Variants in ME3 observed in about 807,000 individuals in gnomAD.
ME3 encodes NADP-dependent malic enzyme, mitochondrial.
Under a neutral mutation model 68.9 loss-of-function variants are expected in ME3, and 48 were observed. The observed-to-expected ratio is 0.70, with a 90% CI of 0.55 to 0.89. The LOEUF is 0.89. ME3 is among the 40% of genes least tolerant of loss of function. The pLI, the probability that ME3 is intolerant of heterozygous loss-of-function variation, is 0.00. For synonymous variants in ME3, 320 were observed against 318.8 expected (o/e 1.00, Z -0.04); for missense variants, 675 against 797.4 (o/e 0.85, Z 1.85).
intron 5 of ME3, among the ~76,000 whole-genome samples, chr11:86,506,315 C>G (rs1301591561): frequency 6.6e-6 from 1 of 152,154 alleles, no homozygotes; most frequent in Non-Finnish European, 1.5e-5. Context: ...TTAGAAGGTT[C>G]TCAAAATATG....
chr11:86,650,307 T>G (rs1180409724), intron 2 of ME3, among the ~76,000 whole-genome samples: 1 of 152,026 alleles, frequency 6.6e-6, no homozygotes, highest in Non-Finnish European at 1.5e-5. Context: ...AAAAATTAAC[T>G]CAAAATGGAT....
At chr11:86,539,626 T>C (rs541863925) in intron 4 of ME3, among the ~76,000 whole-genome samples, 1 of 152,318 alleles carries the variant, frequency 6.6e-6, no homozygotes, top group South Asian at 2.1e-4. Context: ...GACACCATGC[T>C]TAGCACCATG....
At chr11:86,561,094 T>C (rs965487275) in intron 2 of ME3, among the ~76,000 whole-genome samples, 3 of 152,104 alleles carry the variant, frequency 2.0e-5, no homozygotes, top group Non-Finnish European at 4.4e-5. Context: ...AAGTCATGCT[T>C]GTCAGGTTTC....
intron 4 of ME3, among the ~76,000 whole-genome samples, chr11:86,521,425 A>ATAATAATAAT (rs1555221553): frequency 4.2e-5 from 5 of 118,248 alleles, no homozygotes; most frequent in African/African-American, 1.6e-4. Flanking sequence ...AAACAAAACA[A>ATAATAATAAT]AACAAAAATA....
At chr11:86,525,816 C>T (rs566287129) in intron 4 of ME3, among the ~76,000 whole-genome samples, 12 of 147,542 alleles carry the variant, frequency 8.1e-5, no homozygotes, top group South Asian at 2.1e-4. Flanking sequence ...GAGGTGAGAT[C>T]GTGCCATTGC....
intron 2 of ME3, among the ~76,000 whole-genome samples, chr11:86,566,214 C>A (rs140656837): frequency 7.7e-4 from 118 of 152,304 alleles, no homozygotes; most frequent in African/African-American, 2.8e-3. Context: ...TAATGTAACC[C>A]CTGTTGAATT....
intron 4 of ME3, among the ~76,000 whole-genome samples, chr11:86,529,961 C>G (rs1001501987): frequency 6.6e-6 from 1 of 152,166 alleles, no homozygotes; most frequent in Non-Finnish European, 1.5e-5. Context: ...GGGATGCCCT[C>G]TCTCACCACT....
At chr11:86,604,593 A>G (rs1241961640) in intron 2 of ME3, among the ~76,000 whole-genome samples, 2 of 152,226 alleles carry the variant, frequency 1.3e-5, no homozygotes, top group Admixed American at 1.3e-4. Flanking sequence ...TAAGCATATA[A>G]AATGATATAA....
chr11:86,549,674 A>G (rs77178867), intron 4 of ME3, among the ~76,000 whole-genome samples: 6,545 of 152,292 alleles, frequency 0.043, 142 homozygotes, highest in South Asian at 0.093. Flanking sequence ...GGCAGCTATT[A>G]CTATTACAAT....
chr11:86,508,799 T>C (rs778066814), exon 5 of ME3: 18 of 1,611,124 alleles, frequency 1.1e-5, no homozygotes, highest in Non-Finnish European at 1.5e-5. Context: ...TACCTTAATA[T>C]TGTCTTCTGG....
At chr11:86,540,331 C>T (rs1348485536) in intron 4 of ME3, among the ~76,000 whole-genome samples, 1 of 152,188 alleles carries the variant, frequency 6.6e-6, no homozygotes, top group Non-Finnish European at 1.5e-5. Flanking sequence ...CAGTGGTTCT[C>T]CTATCCAGTC....
At chr11:86,559,934 G>A in intron 2 of ME3, 111 bp from the exon 3 acceptor site, 1 of 1,198,220 alleles carries the variant, frequency 8.3e-7, no homozygotes, top group Non-Finnish European at 1.1e-6. Context: ...TCAGTAGAAA[G>A]GGCCCTCAAC....
intron 2 of ME3, among the ~76,000 whole-genome samples, chr11:86,645,873 T>C (rs1034824966): frequency 3.9e-5 from 6 of 152,224 alleles, no homozygotes; most frequent in African/African-American, 7.2e-5. Flanking sequence ...CAATCTTCAC[T>C]GTTCTGCAGC....
intron 2 of ME3, among the ~76,000 whole-genome samples, chr11:86,593,475 A>T (rs1403401277): frequency 6.8e-6 from 1 of 146,796 alleles, no homozygotes; most frequent in East Asian, 2.4e-4. Context: ...TATGAGCCCC[A>T]CAAAGGCTCC....
At chr11:86,553,540 G>A (rs1441127601) in intron 4 of ME3, among the ~76,000 whole-genome samples, 2 of 152,162 alleles carry the variant, frequency 1.3e-5, no homozygotes, top group Non-Finnish European at 2.9e-5. Flanking sequence ...TCCACACCTG[G>A]AAAGCAGCCA....
chr11:86,500,599 C>T (rs1466497273), intron 5 of ME3, among the ~76,000 whole-genome samples: 1 of 152,242 alleles, frequency 6.6e-6, no homozygotes, highest in East Asian at 1.9e-4. Flanking sequence ...TTACTTTGAA[C>T]TGTCCATAGA....
intron 6 of ME3, among the ~76,000 whole-genome samples, chr11:86,491,812 G>T (rs1422891504): frequency 6.6e-6 from 1 of 152,158 alleles, no homozygotes; most frequent in Admixed American, 6.5e-5. Flanking sequence ...TAATTAAAAA[G>T]AAATGTTTAG....
exon 13 of ME3, chr11:86,446,321 G>C (rs776278264): frequency 1.2e-6 from 2 of 1,614,064 alleles, no homozygotes; most frequent in East Asian, 2.2e-5. Context: ...TACCTCTGCT[G>C]TCAGGAGGAA....
In ME3 at chr11:86,482,180, G is replaced by T. The variant is rs143404461; in HGVS notation, c.809+5157C>A. On this transcript the variant is annotated intron_variant, in intron 7 of 14. Coordinates refer to ENST00000543262, the Ensembl canonical transcript of ME3. ...TGGCAACTCCCAACTTTATGTTTCTGCACCAGAACTCTTCTTGAGCTCCAG... is the reference window on the plus strand; with the variant it reads ...TGGCAACTCCCAACTTTATGTTTCTTCACCAGAACTCTTCTTGAGCTCCAG... Among the ~76,000 whole-genome samples, 4 of 152,258 alleles carry T rather than the reference G, an allele frequency of 2.6e-5. No homozygotes were observed. The East Asian group carries it at 5.8e-4, about 22-fold the overall frequency.
Sources: allele counts gnomAD v4.1 joint callset (sites outside exome capture counted in the v4.1 genomes callset), GRCh38; gene constraint gnomAD v4.1.1; transcripts MANE v1.5; gene names NCBI Gene and HGNC (gene_info 2026-07-23, HGNC 2026-07-21).